Variants in WDPCP observed in about 807,000 individuals in gnomAD.
WDPCP encodes the protein WD repeat containing planar cell polarity effector, also known as WD repeat-containing and planar cell polarity effector protein fritz homolog.
Under a neutral mutation model 93.1 loss-of-function variants are expected in WDPCP, and 71 were observed. The observed-to-expected ratio is 0.76, with a 90% CI of 0.63 to 0.93. The LOEUF (loss-of-function observed/expected upper bound fraction) is 0.93, where lower values mean the gene tolerates loss of function less well. Among genes scored for constraint, WDPCP ranks in the 40% least tolerant of loss-of-function variants. WDPCP has a pLI of 0.00. For synonymous variants in WDPCP, 315 were observed against 315.0 expected, an observed-to-expected ratio of 1.00 and a Z score of 0.00; for missense variants, 844 against 887.4, an observed-to-expected ratio of 0.95 and a Z score of 0.62.
intron 1 of WDPCP, among the ~76,000 whole-genome samples, chr2:63,533,308 A>G (rs945041726): frequency 6.6e-6 from 1 of 152,192 alleles, no homozygotes; most frequent in African/African-American, 2.4e-5. Flanking sequence ...GATGAGACAG[A>G]AAGTTAACAA....
chr2:63,257,858 C>G (rs1283594097), intron 14 of WDPCP, among the ~76,000 whole-genome samples: 2 of 152,102 alleles, frequency 1.3e-5, no homozygotes, highest in Non-Finnish European at 2.9e-5. Context: ...CTCATTATAT[C>G]TGATACCCTG....
intron 14 of WDPCP, among the ~76,000 whole-genome samples, chr2:63,189,634 CA>C (rs1243845811): frequency 2.0e-5 from 3 of 152,124 alleles, no homozygotes; most frequent in African/African-American, 7.2e-5. Flanking sequence ...CCTTGACAGA[CA>C]AAACATTGTA....
chr2:63,396,990 G>T (rs1430399218), intron 10 of WDPCP, among the ~76,000 whole-genome samples: 1 of 152,124 alleles, frequency 6.6e-6, no homozygotes, highest in Non-Finnish European at 1.5e-5. Context: ...CAAAAGACAT[G>T]AAGTATTTCA....
intron 15 of WDPCP, among the ~76,000 whole-genome samples, chr2:63,173,604 T>C (rs1673569905): frequency 6.6e-6 from 1 of 152,186 alleles, no homozygotes; most frequent in Admixed American, 6.5e-5. Flanking sequence ...GACTTCTACT[T>C]TATTACTAGA....
chr2:63,396,913 G>A (rs1392161525), intron 10 of WDPCP, among the ~76,000 whole-genome samples: 1 of 152,106 alleles, frequency 6.6e-6, no homozygotes, highest in Non-Finnish European at 1.5e-5. Flanking sequence ...AGAACATGTG[G>A]TATTTGGTTT....
At chr2:63,673,797 T>A (rs1362065968) in intron 2 of WDPCP, among the ~76,000 whole-genome samples, 1 of 152,218 alleles carries the variant, frequency 6.6e-6, no homozygotes, top group Non-Finnish European at 1.5e-5. Flanking sequence ...CTATAAAAAC[T>A]TCTTCCCCAA....
At chr2:63,494,876 C>G (rs911647007) in intron 1 of WDPCP, among the ~76,000 whole-genome samples, 2 of 144,944 alleles carry the variant, frequency 1.4e-5, no homozygotes, top group African/African-American at 5.2e-5. Context: ...GCCGAGATCG[C>G]GCCACTGCAC....
chr2:63,642,732 GT>G (rs1471047908), intron 3 of WDPCP: 1 of 151,862 alleles, frequency 6.6e-6, no homozygotes. Flanking sequence ...GAGTCTTTAG[GT>G]TTTTCCAAAT....
intron 10 of WDPCP, among the ~76,000 whole-genome samples, chr2:63,388,829 C>T (rs924270349): frequency 9.2e-5 from 14 of 151,820 alleles, no homozygotes; most frequent in Non-Finnish European, 1.3e-4. Flanking sequence ...TGAAATAAAA[C>T]GAGAAGACAA....
chr2:63,182,859 A>T (rs930888019), intron 14 of WDPCP, among the ~76,000 whole-genome samples: 1 of 123,254 alleles, frequency 8.1e-6, no homozygotes, highest in African/African-American at 3.2e-5. Flanking sequence ...TAGGATTTCT[A>T]TGTGTTCAAT....
In WDPCP at chr2:63,604,816, G is replaced by A. The variant is rs1385571305; in HGVS notation, n.488+45843C>T. The A allele has an allele frequency of 2.5e-6, 4 of 1,614,108 alleles. No individual in the cohort carries two copies. In the African/African-American group the frequency reaches 5.3e-5, roughly 22 times the overall value. ...CAAGGTGAAATTGCAAGGAAAGGAA[G>A]TTGGTGTTTATGAAGCTCTGAAAGA... On this transcript the variant is annotated intron_variant and non_coding_transcript_variant, in intron 3 of 4. Coordinates refer to the WDPCP transcript ENST00000467687.
intron 17 of WDPCP, among the ~76,000 whole-genome samples, chr2:63,134,353 A>T (rs552695640): frequency 2.6e-4 from 40 of 152,296 alleles, no homozygotes; most frequent in Admixed American, 1.5e-3. Context: ...AATATAATAG[A>T]TCACAATTAT....
At chr2:63,268,396 A>AT (rs1294022475) in intron 13 of WDPCP, among the ~76,000 whole-genome samples, 1 of 152,230 alleles carries the variant, frequency 6.6e-6, no homozygotes, top group Non-Finnish European at 1.5e-5. Flanking sequence ...TTTAGTGATC[A>AT]TTTACACTAT....
chr2:63,357,783 T>C (rs1462292690), intron 12 of WDPCP, among the ~76,000 whole-genome samples: 7 of 152,106 alleles, frequency 4.6e-5, no homozygotes, highest in Non-Finnish European at 7.3e-5. Flanking sequence ...TATAAGTCAT[T>C]CTACCATAAA....
the WDPCP span, among the ~76,000 whole-genome samples, chr2:63,833,914 G>C: frequency 5.9e-5 from 9 of 151,996 alleles, no homozygotes; most frequent in Non-Finnish European, 1.0e-4. Flanking sequence ...ATTCTCTTTA[G>C]AATAAGAAAG....
At chr2:63,456,113 A>G (rs1425960048) in intron 6 of WDPCP, among the ~76,000 whole-genome samples, 1 of 152,176 alleles carries the variant, frequency 6.6e-6, no homozygotes, top group African/African-American at 2.4e-5. Flanking sequence ...ATTGAAAAAT[A>G]TATCAAAATA....
intron 12 of WDPCP, among the ~76,000 whole-genome samples, chr2:63,330,867 C>CTTTTT (rs70965119): frequency 5.8e-5 from 5 of 86,860 alleles, no homozygotes; most frequent in African/African-American, 9.0e-5. Flanking sequence ...TTCCCCAAGG[C>CTTTTT]TTTTTTTTTT....
chr2:63,165,371 A>C (rs1365501310), intron 15 of WDPCP, among the ~76,000 whole-genome samples: 1 of 152,076 alleles, frequency 6.6e-6, no homozygotes, highest in Non-Finnish European at 1.5e-5. Flanking sequence ...ACACTAAAAC[A>C]ACCTTGTATT....
At chr2:63,594,968 A>G (rs1709276990) in intron 3 of WDPCP, 1 of 251,534 alleles carries the variant, frequency 4.0e-6, no homozygotes, top group Non-Finnish European at 7.7e-6. Context: ...CCGCTGAAGC[A>G]GGCACTCCGA....
Sources: gnomAD v4.1 joint callset for allele counts (sites outside exome capture counted in the v4.1 genomes callset) on GRCh38, gnomAD v4.1.1 for gene constraint, MANE v1.5 for transcripts, NCBI Gene and HGNC (gene_info 2026-07-23, HGNC 2026-07-21) for gene names.